TAFA5: variants seen among roughly 807,000 people sequenced by gnomAD.
TAFA5 encodes the protein TAFA chemokine like family member 5.
In TAFA5, 6 loss-of-function variants were observed where a neutral mutation model predicts 15.3. The observed-to-expected ratio is 0.39, with a 90% CI of 0.21 to 0.77. TAFA5 has a LOEUF of 0.77. Ranked by LOEUF, TAFA5 falls within the 30% of genes least tolerant of loss-of-function variation. The pLI is 0.41. For missense variants in TAFA5, 161 were observed against 193.1 expected (o/e 0.83, Z 0.98); for synonymous variants, 103 against 80.7 (o/e 1.28, Z -1.48).
At position 48,530,881 on chromosome 22, in the gene TAFA5, A is replaced by AT. The variant is rs1417450573; in HGVS notation, c.112+41178dup. Among the ~76,000 whole-genome samples the AT allele has an allele frequency of 6.6e-6, 1 of 152,128 alleles. No individual in the cohort carries two copies. On this transcript the variant is annotated intron_variant, in intron 1 of 3. Transcript: ENST00000402357. The surrounding 1 kb of genome is among the most constrained non-coding windows in gnomAD (Gnocchi z 6.0). ...GGGAGAAATGTCCCTCGGGTTCCAA[A>AT]TGAAAGTGGCTGAGATGTCACAGTG...
intron 2 of TAFA5, among the ~76,000 whole-genome samples, chr22:48,690,109 C>T (rs1928491953): frequency 6.6e-6 from 1 of 152,034 alleles, no homozygotes; most frequent in Non-Finnish European, 1.5e-5. Flanking sequence ...AGGCCAGGGG[C>T]CTGTGCTCCC....
At chr22:48,581,838 G>C (rs527498740) in intron 1 of TAFA5, among the ~76,000 whole-genome samples, 1 of 152,138 alleles carries the variant, frequency 6.6e-6, no homozygotes, top group African/African-American at 2.4e-5. Context: ...AGCAGCGCAC[G>C]CAGGCAGTGG....
At position 48,716,123 on chromosome 22, in the gene TAFA5, G is replaced by C. The variant is rs187032098; in HGVS notation, c.390+8279G>C. On this transcript the variant is annotated intron_variant, in intron 3 of 3. Transcript: ENST00000402357. ...GGTCTATATATCTGTTTCGGTACCAGTACCATGCTGTTTTGGTTACTGTAG... is the reference window on the plus strand; with the variant it reads ...GGTCTATATATCTGTTTCGGTACCACTACCATGCTGTTTTGGTTACTGTAG... Among the ~76,000 whole-genome samples, 223 of 152,288 alleles carry C rather than the reference G, an allele frequency of 1.5e-3. 1 individual carries two copies. Among genetic ancestry groups the C allele is most frequent in the South Asian group, 3.1e-3 (15 of 4,824 alleles).
intron 1 of TAFA5, among the ~76,000 whole-genome samples, chr22:48,591,086 A>G (rs1194423724): frequency 6.6e-6 from 1 of 152,194 alleles, no homozygotes; most frequent in Non-Finnish European, 1.5e-5. Context: ...TCCTGACCTC[A>G]GGTGATCCGC....
chr22:48,647,277 C>T (rs1025611040), intron 2 of TAFA5, among the ~76,000 whole-genome samples: 10 of 152,154 alleles, frequency 6.6e-5, no homozygotes, highest in African/African-American at 1.9e-4. Context: ...GGCAGTGACC[C>T]CCGGCCCCTA....
intron 1 of TAFA5, among the ~76,000 whole-genome samples, chr22:48,511,306 CTT>C (rs1921201304): frequency 6.6e-6 from 1 of 152,214 alleles, no homozygotes. Context: ...GGGCTGGCCT[CTT>C]TTGTCTCCTG....
chr22:48,743,813 T>A (rs770030014), intron 3 of TAFA5, among the ~76,000 whole-genome samples: 1 of 152,182 alleles, frequency 6.6e-6, no homozygotes, highest in Non-Finnish European at 1.5e-5. Context: ...GGTGCCTTGT[T>A]TATGGCAGAT....
intron 1 of TAFA5, among the ~76,000 whole-genome samples, chr22:48,594,877 ATTT>A (rs376412437): frequency 0.042 from 6,002 of 143,504 alleles, 340 homozygotes; most frequent in African/African-American, 0.13. Flanking sequence ...TCCTGAGCAC[ATTT>A]TTTTTTTTTT....
At chr22:48,677,340 G>C (rs1057477088) in intron 2 of TAFA5, among the ~76,000 whole-genome samples, 1 of 152,282 alleles carries the variant, frequency 6.6e-6, no homozygotes, top group African/African-American at 2.4e-5. Flanking sequence ...TCGGACGTCG[G>C]TTTCAGATGT....
chr22:48,593,742 C>A (rs1288812416), intron 1 of TAFA5, among the ~76,000 whole-genome samples: 1 of 152,182 alleles, frequency 6.6e-6, no homozygotes, highest in Non-Finnish European at 1.5e-5. Context: ...TGGGGCCATC[C>A]CTTAGCACGG....
At chr22:48,496,239 G>T (rs1485674419) in intron 1 of TAFA5, among the ~76,000 whole-genome samples, 1 of 152,094 alleles carries the variant, frequency 6.6e-6, no homozygotes, top group Non-Finnish European at 1.5e-5. Context: ...GTGAGCTTGG[G>T]GCATGGCTGC....
chr22:48,609,204 C>T (rs36046680), intron 1 of TAFA5, among the ~76,000 whole-genome samples: 19,350 of 152,060 alleles, frequency 0.13, 1,330 homozygotes, highest in African/African-American at 0.17. Flanking sequence ...ATGCACGTCT[C>T]CCAGCTCAGC....
At chr22:48,621,576 G>C (rs1472344175) in intron 1 of TAFA5, among the ~76,000 whole-genome samples, 1 of 152,160 alleles carries the variant, frequency 6.6e-6, no homozygotes, top group Non-Finnish European at 1.5e-5. Flanking sequence ...GCGAGTAGAA[G>C]GGAGCCTGGT....
chr22:48,739,137 G>A (rs1483265611), intron 3 of TAFA5, among the ~76,000 whole-genome samples: 6 of 152,046 alleles, frequency 3.9e-5, no homozygotes, highest in East Asian at 1.9e-4. Flanking sequence ...ACCCTCCCCC[G>A]CACCAGGGCC....
At chr22:48,741,669 G>A (rs1930184255) in intron 3 of TAFA5, among the ~76,000 whole-genome samples, 1 of 151,976 alleles carries the variant, frequency 6.6e-6, no homozygotes, top group South Asian at 2.1e-4. Context: ...GACACACACA[G>A]GGCTGAGCCT....
At chr22:48,499,061 C>T (rs1243955541) in intron 1 of TAFA5, among the ~76,000 whole-genome samples, 2 of 152,188 alleles carry the variant, frequency 1.3e-5, no homozygotes, top group Non-Finnish European at 2.9e-5. Flanking sequence ...CAGTGCAGCC[C>T]CTCCCAGACC....
intron 3 of TAFA5, among the ~76,000 whole-genome samples, chr22:48,749,250 G>A (rs1930412912): frequency 6.6e-6 from 1 of 152,200 alleles, no homozygotes; most frequent in African/African-American, 2.4e-5. Context: ...CCTTGAGTCT[G>A]GGCAAGAAGA....
intron 1 of TAFA5, among the ~76,000 whole-genome samples, chr22:48,639,623 A>G (rs111960302): frequency 0.033 from 5,012 of 152,176 alleles, 139 homozygotes; most frequent in East Asian, 0.092. Flanking sequence ...GGCCTGATCT[A>G]TGCCCACCTG....
chr22:48,511,615 G>A (rs1311938385), intron 1 of TAFA5, among the ~76,000 whole-genome samples: 2 of 152,202 alleles, frequency 1.3e-5, no homozygotes. Context: ...GGCGTCTGCT[G>A]TGCAAAGCCG....
Sources: allele counts gnomAD v4.1 joint callset (sites outside exome capture counted in the v4.1 genomes callset), GRCh38; gene constraint gnomAD v4.1.1; non-coding constraint Gnocchi (gnomAD v3.1); transcripts MANE v1.5; gene names NCBI Gene and HGNC (gene_info 2026-07-23, HGNC 2026-07-21).